DCTN2: variants seen among roughly 807,000 people sequenced by gnomAD.
The protein encoded by DCTN2 is dynactin subunit 2.
DCTN2 carries 18 observed loss-of-function variants against 55.4 expected under a neutral mutation model. The observed-to-expected ratio is 0.32, with a 90% CI of 0.22 to 0.48. The LOEUF is 0.48. DCTN2 is among the 20% of genes least tolerant of loss of function. The pLI, the probability that DCTN2 is intolerant of heterozygous loss-of-function variation, is 0.99. For missense variants in DCTN2, 390 were observed against 491.0 expected (o/e 0.79, Z 1.94); for synonymous variants, 168 against 185.2 (o/e 0.91, Z 0.76).
chr12:57,536,827 C>T (rs1189351227), intron 2 of DCTN2, among the ~76,000 whole-genome samples: 1 of 152,030 alleles, frequency 6.6e-6, no homozygotes, highest in Non-Finnish European at 1.5e-5. Context: ...AGCCTGACAG[C>T]TCCCAACAGA....
chr12:57,536,393 G>C (rs900886640), intron 2 of DCTN2, among the ~76,000 whole-genome samples: 1 of 152,236 alleles, frequency 6.6e-6, no homozygotes, highest in African/African-American at 2.4e-5. Flanking sequence ...CAGAGGGCCT[G>C]ACCAGAAGCC....
intron 1 of DCTN2, 62 bp downstream of exon 1, chr12:57,546,966 C>T (rs775325): frequency 0.98 from 1,199,614 of 1,228,780 alleles, 590,431 homozygotes; most frequent in East Asian, 1. Flanking sequence ...CTGGTTTCTG[C>T]TGGGGGTCCT....
chr12:57,541,771 G>A (rs1191094041), intron 2 of DCTN2, among the ~76,000 whole-genome samples: 1 of 152,098 alleles, frequency 6.6e-6, no homozygotes, highest in Admixed American at 6.6e-5. Flanking sequence ...TGTGTGTGTG[G>A]GTGGAATTCT....
intron 13 of DCTN2, among the ~76,000 whole-genome samples, chr12:57,531,505 A>C (rs1041776519): frequency 2.0e-5 from 3 of 152,194 alleles, no homozygotes; most frequent in African/African-American, 7.2e-5. Flanking sequence ...CAACAGAGCG[A>C]GACTCTGTCT....
chr12:57,532,858 A>C (rs754553295), intron 9 of DCTN2, 48 bp from the exon 10 acceptor site: 1 of 1,608,754 alleles, frequency 6.2e-7, no homozygotes, highest in Non-Finnish European at 8.5e-7. Flanking sequence ...AAGGCAGACT[A>C]GCAAGAGGCC....
rs55640208 is a variant in DCTN2, at chr12:57,530,703, T to G, written c.1192A>C (p.Lys398Gln). Reference sequence around the variant, plus strand: ...CCCAAATGTGCTCACTTTCCCAGCTTCTTCATCCGTTCATCAATGCTGGCA... The same window carrying G: ...CCCAAATGTGCTCACTTTCCCAGCTGCTTCATCCGTTCATCAATGCTGGCA... ...NFASIDERMKKLGK is the reference protein window; with the variant it reads ...NFASIDERMKQLGK The change falls in exon 14 of 14, where the codon AAG becomes CAG. Residue 398 changes from lysine (K) to glutamine (Q), a missense_variant. Lys to Gln is a moderately conservative substitution (Grantham distance 53). Coordinates refer to ENST00000548249, the MANE Select transcript of DCTN2 (RefSeq NM_001261413.2). The G allele has an allele frequency of 1.4e-3, 2,191 of 1,613,836 alleles. 20 individuals carry two copies. Among genetic ancestry groups the G allele is most frequent in the South Asian group, 0.013 (1,219 of 91,066 alleles).
rs1879794230 is a variant in DCTN2, at chr12:57,532,220, G to A, written c.1020C>T (p.His340=). 3.9e-6 allele frequency: 6 copies of A among 1,555,486 alleles called. No homozygotes were observed. Among genetic ancestry groups the A allele is most frequent in the African/African-American group, 2.7e-5 (2 of 73,176 alleles). The change falls in exon 12 of 14, where the codon CAC becomes CAT. Residue 340 remains histidine, a synonymous_variant. Transcript: ENST00000548249. ...TGGCAGCTGGCCTCCCACCTTGCTC[G>A]TGCAGCTGCTTGATGGTGACAAGTC... ...VQRLVTIKQL[H]EQAMQFGQLL...
chr12:57,542,713 G>A, intron 2 of DCTN2: 2 of 436,960 alleles, frequency 4.6e-6, no homozygotes, highest in Non-Finnish European at 4.6e-6. Context: ...CAGCTACTTG[G>A]GAGGCTGAGG....
rs1880311243 is a variant in DCTN2 at position 57,537,246 on chromosome 12, G to A, written c.106-1401C>T. On this transcript the variant is annotated intron_variant, in intron 2 of 13. Coordinates refer to ENST00000548249, the MANE Select transcript of DCTN2 (RefSeq NM_001261413.2). ...CTACTCAGGAGGCTGAGGTGGAAGG[G>A]TCACTTGAGCCTGGCAGGTGGAGGA... is the stretch of plus-strand genomic sequence containing the variant. 2.0e-5 allele frequency among the ~76,000 whole-genome samples: 3 copies of A among 151,144 alleles called. No individual in the cohort carries two copies. In the South Asian group the frequency reaches 6.3e-4, roughly 32 times the overall value.
intron 2 of DCTN2, chr12:57,538,541 A>G: frequency 1.3e-6 from 1 of 757,126 alleles, no homozygotes; most frequent in East Asian, 2.4e-5. Flanking sequence ...GTTTCCCCAG[A>G]GGTGAGAAAA....
At position 57,530,910 on chromosome 12, in the gene DCTN2, A is replaced by G. The variant is rs1879633405; in HGVS notation, c.1120-135T>C. On this transcript the variant is annotated intron_variant, in intron 13 of 13. Coordinates refer to ENST00000548249, the MANE Select transcript of DCTN2 (RefSeq NM_001261413.2). ...TGGGCCACAGAGGGGGGATGTTTAT[A>G]GCACCAATTTTCAAGCTACCCTTAG... 4 of 765,044 alleles carry G rather than the reference A, an allele frequency of 5.2e-6. No individual in the cohort carries two copies. In the Admixed American group the frequency reaches 9.1e-5, roughly 17 times the overall value. 47.4% of individuals were successfully genotyped at this position (765,044 alleles called of 1,614,324 possible). A position where few individuals can be genotyped will look rare whatever the true frequency, so the allele number is the denominator to read the frequency against.
Position 57,547,070 on chromosome 12 carries a change from G to T in DCTN2, c.-7C>A. The T allele has an allele frequency of 7.9e-7, 1 of 1,271,094 alleles. No homozygotes were observed. The highest frequency in any genetic ancestry group is 1.0e-6 in the Non-Finnish European group (1 of 1,000,548). 78.7% of individuals were successfully genotyped at this position (1,271,094 alleles called of 1,614,324 possible). ...CGTATTTAGGGTCCGCCATGGCGGC[G>T]GCGAGACGGGCTGGGGGACCCGGGC... is the stretch of plus-strand genomic sequence containing the variant. On this transcript the variant is annotated 5_prime_UTR_variant, in exon 1 of 14. Transcript: ENST00000548249.
chr12:57,542,714 G>C, intron 2 of DCTN2: 1 of 437,396 alleles, frequency 2.3e-6, no homozygotes, highest in South Asian at 1.6e-5. Context: ...AGCTACTTGG[G>C]AGGCTGAGGC....
intron 11 of DCTN2, 112 bp downstream of exon 11, chr12:57,532,460 T>TG: frequency 1.2e-5 from 16 of 1,345,818 alleles, no homozygotes; most frequent in Non-Finnish European, 1.5e-5. Context: ...AAGCTCTTCA[T>TG]AAGAGCTTAT....
intron 2 of DCTN2, chr12:57,543,715 T>C: frequency 1.0e-6 from 1 of 964,252 alleles, no homozygotes; most frequent in Non-Finnish European, 1.2e-6. Flanking sequence ...CATTCCTCCC[T>C]AGTGACAGAG....
intron 2 of DCTN2, among the ~76,000 whole-genome samples, chr12:57,542,659 A>T (rs1328511839): frequency 1.3e-5 from 2 of 152,180 alleles, no homozygotes; most frequent in Non-Finnish European, 2.9e-5. Context: ...CTCTACTAAA[A>T]ATACAGAAAA....
chr12:57,537,928 A>G (rs1880378928), intron 2 of DCTN2, among the ~76,000 whole-genome samples: 1 of 152,188 alleles, frequency 6.6e-6, no homozygotes, highest in Admixed American at 6.5e-5. Context: ...ACTCAGGAAT[A>G]TGCCACTTCT....
chr12:57,533,137 C>T, intron 8 of DCTN2, 101 bp downstream of exon 8: 1 of 1,560,234 alleles, frequency 6.4e-7, no homozygotes, highest in Non-Finnish European at 8.8e-7. Flanking sequence ...GTAACTGAAG[C>T]CCTTTGATGA....
At chr12:57,538,507 C>T (rs375217198) in intron 2 of DCTN2, 14 of 761,330 alleles carry the variant, frequency 1.8e-5, no homozygotes, top group Non-Finnish European at 3.1e-5. Context: ...GATGAAAGGT[C>T]AGGCTTCTTA....
Sources: allele counts gnomAD v4.1 joint callset (sites outside exome capture counted in the v4.1 genomes callset), GRCh38; gene constraint gnomAD v4.1.1; transcripts MANE v1.5; gene names NCBI Gene and HGNC (gene_info 2026-07-23, HGNC 2026-07-21).